The following EFNB2 variants were observed in gnomAD, a reference collection of about 807,000 sequenced individuals.
EFNB2 encodes the protein ephrin B2.
Under a neutral mutation model 32.1 loss-of-function variants are expected in EFNB2, and 5 were observed. That is an observed-to-expected ratio of 0.16 (90% CI 0.08 to 0.33). The LOEUF is 0.33. Ranked by LOEUF, EFNB2 falls within the 10% of genes least tolerant of loss-of-function variation. The pLI, the probability that EFNB2 is intolerant of heterozygous loss-of-function variation, is 1.00. For missense variants in EFNB2, 263 were observed against 422.6 expected, an observed-to-expected ratio of 0.62 and a Z score of 3.31; for synonymous variants, 168 against 166.5, an observed-to-expected ratio of 1.01 and a Z score of -0.07.
chr13:106,519,300 A>G (rs1879419586), intron 1 of EFNB2: 1 of 152,166 alleles, frequency 6.6e-6, no homozygotes, highest in African/African-American at 2.4e-5. Flanking sequence ...ATCTATTTAA[A>G]TATTTAATAT....
chr13:106,521,445 C>G (rs1879516691), intron 1 of EFNB2: 1 of 152,136 alleles, frequency 6.6e-6, no homozygotes, highest in Admixed American at 6.5e-5. Flanking sequence ...ATTTGTCAAA[C>G]TTGAATCTGC....
intron 2 of EFNB2, among the ~76,000 whole-genome samples, chr13:106,502,627 T>A (rs1338599671): frequency 6.6e-6 from 1 of 152,134 alleles, no homozygotes; most frequent in African/African-American, 2.4e-5. Context: ...AGGGAGAAGG[T>A]CAATCTACTG....
At position 106,492,952 on chromosome 13, in the gene EFNB2, C is replaced by T. The variant is rs1878459883; in HGVS notation, c.*88G>A. ...CCCCGGTGCTGTGCTTCAGTCAATT[C>T]TCCAGCACGCGGGCTCTCAAACCCT... On this transcript the variant is annotated 3_prime_UTR_variant, in exon 5 of 5. Transcript: ENST00000646441. The surrounding 1 kb of genome is among the most constrained non-coding windows in gnomAD (Gnocchi z 5.1). 2.7e-6 allele frequency: 4 copies of T among 1,499,442 alleles called. No homozygotes were observed. In the South Asian group the frequency reaches 5.1e-5, roughly 19 times the overall value. 92.9% of individuals were successfully genotyped at this position (1,499,442 alleles called of 1,614,324 possible). A position where few individuals can be genotyped will look rare whatever the true frequency, so the allele number is the denominator to read the frequency against.
intron 2 of EFNB2, among the ~76,000 whole-genome samples, chr13:106,501,742 G>A (rs1210534797): frequency 1.1e-4 from 16 of 151,898 alleles, no homozygotes; most frequent in African/African-American, 2.7e-4. Flanking sequence ...ACAGGAGCCC[G>A]CCACCACACC....
rs908403259 is a variant in EFNB2, at chr13:106,535,473, C to T, written c.-509G>A. On this transcript the variant is annotated 5_prime_UTR_variant, in exon 1 of 5. Transcript: ENST00000646441. ...CCGGAGCACGGAGCGGAGTAGGGCG[C>T]CTCCGGGCGCGCAGGAGCCTTCTCA... The T allele has an allele frequency of 1.3e-5, 2 of 150,246 alleles. No individual in the cohort carries two copies. Among genetic ancestry groups the T allele is most frequent in the African/African-American group, 4.9e-5 (2 of 41,160 alleles). The allele number at this position is 150,246 out of a possible 1,614,324, so 9.3% of individuals were successfully genotyped here.
In EFNB2 at chr13:106,531,090, C is replaced by G. The variant is rs377369023; in HGVS notation, c.122+3753G>C. On this transcript the variant is annotated intron_variant, in intron 1 of 4. Coordinates refer to ENST00000646441, the MANE Select transcript of EFNB2 (RefSeq NM_004093.4). ...TGGAGTCATCTGCATGTCTTTGCGT[C>G]GGCAGAACCAGCGTCAACAGCTTAT... Among the ~76,000 whole-genome samples the G allele has an allele frequency of 2.6e-5, 4 of 152,290 alleles. No homozygotes were observed. The South Asian group carries it at 6.2e-4, about 24-fold the overall frequency.
At chr13:106,523,425 A>G (rs543100257) in intron 1 of EFNB2, among the ~76,000 whole-genome samples, 2 of 152,294 alleles carry the variant, frequency 1.3e-5, no homozygotes, top group African/African-American at 4.8e-5. Context: ...GTTAAATACT[A>G]TAAGTGATTC....
chr13:106,535,035 A>T lies in EFNB2; in HGVS notation c.-71T>A. ...TGACGGGACGCAGGCTGGGACCCCCAATCCTCCGGGGCAGACTGGCGGGGA... is the reference window on the plus strand; with the variant it reads ...TGACGGGACGCAGGCTGGGACCCCCTATCCTCCGGGGCAGACTGGCGGGGA... On this transcript the variant is annotated 5_prime_UTR_variant, in exon 1 of 5. Coordinates refer to ENST00000646441, the MANE Select transcript of EFNB2 (RefSeq NM_004093.4). The T allele has an allele frequency of 1.3e-6, 2 of 1,586,324 alleles. No individual in the cohort carries two copies. Among genetic ancestry groups the T allele is most frequent in the South Asian group, 1.1e-5 (1 of 88,438 alleles).
intron 1 of EFNB2, chr13:106,521,348 A>G (rs907034264): frequency 2.0e-5 from 3 of 152,140 alleles, no homozygotes; most frequent in South Asian, 2.1e-4. Flanking sequence ...CAGTTTAGCA[A>G]CTCTTCAAGG....
intron 1 of EFNB2, among the ~76,000 whole-genome samples, chr13:106,534,037 C>G (rs1879970800): frequency 6.6e-6 from 1 of 152,186 alleles, no homozygotes; most frequent in African/African-American, 2.4e-5. Context: ...CCATTCCTAC[C>G]AGGGTCCCGA....
At position 106,492,899 on chromosome 13, in the gene EFNB2, G is replaced by T; in HGVS notation, c.*141C>A. 1 of 1,143,740 alleles carries T rather than the reference G, an allele frequency of 8.7e-7. No individual in the cohort carries two copies. Among genetic ancestry groups the T allele is most frequent in the Non-Finnish European group, 1.2e-6 (1 of 820,278 alleles). The allele number at this position is 1,143,740 out of a possible 1,614,324, so 70.8% of individuals were successfully genotyped here. A position where few individuals can be genotyped will look rare whatever the true frequency, so the allele number is the denominator to read the frequency against. On this transcript the variant is annotated 3_prime_UTR_variant, in exon 5 of 5. Transcript: ENST00000646441. This position sits in a 1 kb window ranked among gnomAD's most constrained non-coding sequence, Gnocchi z 5.1. ...ACTAGGTAAGCTGTCCAGCGCGACG[G>T]GCTCTTCCGAGGAGGAGTGTCCCTC... is the stretch of plus-strand genomic sequence containing the variant.
chr13:106,496,049 G>A (rs954969105), intron 2 of EFNB2, among the ~76,000 whole-genome samples: 7 of 152,130 alleles, frequency 4.6e-5, no homozygotes, highest in African/African-American at 9.7e-5. Context: ...AAACACTGCC[G>A]CACGTATGCT....
chr13:106,533,437 G>A (rs754883918), intron 1 of EFNB2, among the ~76,000 whole-genome samples: 1 of 152,238 alleles, frequency 6.6e-6, no homozygotes, highest in African/African-American at 2.4e-5. Flanking sequence ...TATAATCCAT[G>A]CAAGAGCAGA....
rs1210649522 is a variant in EFNB2, at chr13:106,534,884, C to G, written c.81G>C (p.Ser27=). The G allele has an allele frequency of 6.2e-7, 1 of 1,613,550 alleles. No individual in the cohort carries two copies. The highest frequency in any genetic ancestry group is 1.3e-5 in the African/African-American group (1 of 75,018). Residue 27 remains serine (S), a synonymous_variant, in exon 1 of 5, where the codon TCG becomes TCC. Coordinates refer to ENST00000646441, the MANE Select transcript of EFNB2 (RefSeq NM_004093.4). ...MVLCRTAISK[S]IVLEPIYWNS... The stretch of plus-strand genomic sequence containing the variant: ...TCCAATAGATAGGCTCTAAAACTAT[C>G]GATTTGGAAATCGCAGTTCTGCATA...
intron 1 of EFNB2, among the ~76,000 whole-genome samples, chr13:106,527,427 A>G (rs1391886106): frequency 2.0e-5 from 3 of 152,196 alleles, no homozygotes; most frequent in Non-Finnish European, 4.4e-5. Context: ...TGAAAAGAGC[A>G]CACTATTAAT....
rs546248591 is a variant in EFNB2 at position 106,498,585 on chromosome 13, C to T, written c.407-2745G>A. On this transcript the variant is annotated intron_variant, in intron 2 of 4. Coordinates refer to ENST00000646441, the MANE Select transcript of EFNB2 (RefSeq NM_004093.4). ...AATTTAACATCCACAGACTATAAGA[C>T]AGTAGGAGGAAGGCTGTGTTGCATA... 5.3e-5 allele frequency among the ~76,000 whole-genome samples: 8 copies of T among 152,174 alleles called. No individual in the cohort carries two copies. In the South Asian group the frequency reaches 1.7e-3, roughly 32 times the overall value.
chr13:106,506,715 C>T (rs961406079), intron 2 of EFNB2: 2 of 152,206 alleles, frequency 1.3e-5, no homozygotes, highest in Non-Finnish European at 2.9e-5. Flanking sequence ...CACACTTCCT[C>T]CCCTGCTCCA....
intron 1 of EFNB2, among the ~76,000 whole-genome samples, chr13:106,531,920 A>G (rs1262812086): frequency 6.6e-6 from 1 of 152,204 alleles, no homozygotes; most frequent in Admixed American, 6.5e-5. Flanking sequence ...ATTTGCTCAC[A>G]TTAAAGTAAA....
At chr13:106,525,892 G>A (rs61965326) in intron 1 of EFNB2, among the ~76,000 whole-genome samples, 127 of 152,338 alleles carry the variant, frequency 8.3e-4, no homozygotes, top group Non-Finnish European at 1.4e-3. Flanking sequence ...TCAATGGTTA[G>A]ATCCCTGATG....
Sources: gnomAD v4.1 joint callset for allele counts (sites outside exome capture counted in the v4.1 genomes callset) on GRCh38, gnomAD v4.1.1 for gene constraint, Gnocchi (gnomAD v3.1) non-coding constraint, MANE v1.5 for transcripts, NCBI Gene and HGNC (gene_info 2026-07-23, HGNC 2026-07-21) for gene names.